FARP1: variants seen among roughly 807,000 people sequenced by gnomAD.
FARP1 encodes the protein FERM, ARH/RhoGEF and pleckstrin domain protein 1, also known as FERM, ARHGEF and pleckstrin domain-containing protein 1.
Under a neutral mutation model 128.8 loss-of-function variants are expected in FARP1, and 52 were observed. That is an observed-to-expected ratio of 0.40 (90% CI 0.32 to 0.51). FARP1 has a LOEUF of 0.51. Among genes scored for constraint, FARP1 ranks in the 20% least tolerant of loss-of-function variants. The pLI is 0.45. For synonymous variants in FARP1, 580 were observed against 551.8 expected (o/e 1.05, Z -0.72); for missense variants, 1,333 against 1,367.9 (o/e 0.97, Z 0.40).
intron 1 of FARP1, among the ~76,000 whole-genome samples, chr13:98,192,762 A>G (rs2139239851): frequency 6.6e-6 from 1 of 152,282 alleles, no homozygotes; most frequent in South Asian, 2.1e-4. Flanking sequence ...AAAATTATTG[A>G]TTATAGGCAG....
chr13:98,334,607 G>A (rs1887663263), intron 2 of FARP1, among the ~76,000 whole-genome samples: 1 of 152,158 alleles, frequency 6.6e-6, no homozygotes, highest in Admixed American at 6.5e-5. Flanking sequence ...CTCATGTGCT[G>A]TGGACTAAAT....
intron 2 of FARP1, among the ~76,000 whole-genome samples, chr13:98,300,466 C>T (rs1269600030): frequency 2.6e-5 from 4 of 152,148 alleles, no homozygotes; most frequent in African/African-American, 7.2e-5. Context: ...CCAGGATGTC[C>T]GCGTATTCTT....
At chr13:98,359,549 T>TC (rs1196822019) in intron 3 of FARP1, among the ~76,000 whole-genome samples, 3 of 152,162 alleles carry the variant, frequency 2.0e-5, no homozygotes, top group Non-Finnish European at 2.9e-5. Context: ...TCCTCTCACC[T>TC]CCGAGTACAG....
intron 2 of FARP1, among the ~76,000 whole-genome samples, chr13:98,270,336 A>G (rs9556923): frequency 0.25 from 37,988 of 151,838 alleles, 5,261 homozygotes; most frequent in South Asian, 0.46. Context: ...TACAAGTAGT[A>G]TATCCGTCAA....
At chr13:98,238,789 A>G (rs1307163671) in intron 2 of FARP1, among the ~76,000 whole-genome samples, 1 of 152,172 alleles carries the variant, frequency 6.6e-6, no homozygotes, top group African/African-American at 2.4e-5. Context: ...CAGCCAAACC[A>G]TATCATTGAC....
intron 2 of FARP1, among the ~76,000 whole-genome samples, chr13:98,304,611 G>A (rs1334809396): frequency 6.6e-6 from 1 of 152,214 alleles, no homozygotes; most frequent in East Asian, 1.9e-4. Flanking sequence ...AGCCAAGGCG[G>A]TGACACGAGT....
At chr13:98,306,549 C>G (rs894393034) in intron 2 of FARP1, among the ~76,000 whole-genome samples, 9 of 151,820 alleles carry the variant, frequency 5.9e-5, no homozygotes, top group Admixed American at 2.0e-4. Context: ...GGATCTCACT[C>G]TGTTGCCCAG....
intron 1 of FARP1, among the ~76,000 whole-genome samples, chr13:98,198,889 T>C: frequency 4.0e-5 from 2 of 50,182 alleles, no homozygotes; most frequent in South Asian, 7.7e-4. Context: ...ATCTCAACCC[T>C]CCCTGCTCCG....
At chr13:98,404,633 A>G (rs1430546221) in intron 13 of FARP1, 2 of 152,338 alleles carry the variant, frequency 1.3e-5, no homozygotes, top group African/African-American at 4.8e-5. Flanking sequence ...CCTTTTGAGC[A>G]TATTCTGGGC....
chr13:98,362,619 A>G (rs1045211079), intron 3 of FARP1, among the ~76,000 whole-genome samples: 4 of 152,202 alleles, frequency 2.6e-5, no homozygotes, highest in African/African-American at 7.2e-5. Flanking sequence ...TGGCCGTCTT[A>G]TCCTCCATGG....
At chr13:98,337,818 G>T (rs1258129946) in intron 2 of FARP1, among the ~76,000 whole-genome samples, 15 of 151,952 alleles carry the variant, frequency 9.9e-5, no homozygotes. Context: ...TGCATAATTT[G>T]CCATTATTTC....
intron 2 of FARP1, among the ~76,000 whole-genome samples, chr13:98,256,025 C>CA (rs1367865772): frequency 6.6e-6 from 1 of 152,108 alleles, no homozygotes; most frequent in Non-Finnish European, 1.5e-5. Context: ...GGCAACTGGT[C>CA]AAAAATCTTA....
chr13:98,438,545 C>T (rs1041233852), intron 19 of FARP1, among the ~76,000 whole-genome samples: 63 of 152,196 alleles, frequency 4.1e-4, no homozygotes, highest in African/African-American at 1.5e-3. Flanking sequence ...CAGATGATCC[C>T]TAGAGAGGGT....
chr13:98,328,406 G>C lies in FARP1; in HGVS notation c.172-15356G>C, dbSNP rs544942079. Reference sequence around the variant, plus strand: ...TAGGATTTTATTTTTCTTTCTTCTTGTTCATGCCTTCAACAAGTATAAAGC... The same window carrying C: ...TAGGATTTTATTTTTCTTTCTTCTTCTTCATGCCTTCAACAAGTATAAAGC... On this transcript the variant is annotated intron_variant, in intron 2 of 26. Transcript: ENST00000319562. 22 of 152,256 alleles carry C rather than the reference G, an allele frequency of 1.4e-4. No homozygotes were observed. The South Asian group carries it at 2.7e-3, about 19-fold the overall frequency. The allele number at this position is 152,256 out of a possible 1,614,324, so 9.4% of individuals were successfully genotyped here.
chr13:98,326,680 A>G, intron 2 of FARP1, among the ~76,000 whole-genome samples: 1 of 152,228 alleles, frequency 6.6e-6, no homozygotes, highest in East Asian at 1.9e-4. Flanking sequence ...TAGGATATGC[A>G]GCTCCAATAA....
chr13:98,308,513 C>T (rs1886294938), intron 2 of FARP1, among the ~76,000 whole-genome samples: 1 of 152,172 alleles, frequency 6.6e-6, no homozygotes, highest in Non-Finnish European at 1.5e-5. Context: ...CCTGACGAGC[C>T]ACATGCACTG....
chr13:98,254,173 C>T (rs1034749251), intron 2 of FARP1, among the ~76,000 whole-genome samples: 14 of 152,198 alleles, frequency 9.2e-5, no homozygotes, highest in African/African-American at 3.4e-4. Context: ...TAAGTGTTCT[C>T]CTCACTTGTT....
chr13:98,228,740 C>G (rs9513375), intron 2 of FARP1, among the ~76,000 whole-genome samples: 8 of 152,094 alleles, frequency 5.3e-5, no homozygotes, highest in African/African-American at 1.2e-4. Context: ...ACGGGATCTT[C>G]TGCAGATTAC....
At chr13:98,287,204 A>G (rs895477539) in intron 2 of FARP1, among the ~76,000 whole-genome samples, 6 of 114,818 alleles carry the variant, frequency 5.2e-5, no homozygotes, top group Admixed American at 1.8e-4. Context: ...ACCATCAGAC[A>G]TGTCTTTTTT....
Sources: allele counts gnomAD v4.1 joint callset (sites outside exome capture counted in the v4.1 genomes callset), GRCh38; gene constraint gnomAD v4.1.1; transcripts MANE v1.5; gene names NCBI Gene and HGNC (gene_info 2026-07-23, HGNC 2026-07-21).